ZNF831: variants seen among roughly 807,000 people sequenced by gnomAD.
ZNF831 encodes chromosome 20 open reading frame 174.
Under a neutral mutation model 95.8 loss-of-function variants are expected in ZNF831, and 59 were observed. The ratio of observed to expected loss-of-function variants is 0.62; its 90% confidence interval spans 0.50 to 0.77. The LOEUF (loss-of-function observed/expected upper bound fraction) is 0.77. Among genes scored for constraint, ZNF831 ranks in the 30% least tolerant of loss-of-function variants. The probability of loss-of-function intolerance (pLI) is 0.00; values close to 1 mark genes in which losing one functional copy is unlikely to be tolerated. For missense variants in ZNF831, 2,205 were observed against 2,164.0 expected (o/e 1.02, Z -0.38); for synonymous variants, 961 against 925.5 (o/e 1.04, Z -0.70).
In ZNF831 at chr20:59,192,652, C is replaced by T. The variant is rs769406652; in HGVS notation, c.1633C>T (p.Arg545Cys). Residue 545 changes from arginine (R) to cysteine (C), a missense_variant, in exon 2 of 6, where the codon CGC (arginine) becomes TGC (cysteine). By Grantham distance (180) the Arg-to-Cys change is radical. Coordinates refer to ENST00000371030, the MANE Select transcript of ZNF831 (RefSeq NM_178457.3). The surrounding 1 kb of genome is among the most constrained non-coding windows in gnomAD (Gnocchi z 5.2). ...GCCCGGCCCAGCCCGCCTGGGCTGCCGCTCGGGACTAAGCTCGACTGACGT... is the reference window on the plus strand; with the variant it reads ...GCCCGGCCCAGCCCGCCTGGGCTGCTGCTCGGGACTAAGCTCGACTGACGT... ...PRPGPARLGC[R>C]SGLSSTDVPS... 2.1e-5 allele frequency: 31 copies of T among 1,508,416 alleles called. No homozygotes were observed. The highest frequency in any genetic ancestry group is 3.9e-5 in the South Asian group (3 of 76,164). 93.4% of individuals were successfully genotyped at this position (1,508,416 alleles called of 1,614,324 possible).
At chr20:59,183,361 C>T (rs1041877054) in intron 1 of ZNF831, among the ~76,000 whole-genome samples, 1 of 152,190 alleles carries the variant, frequency 6.6e-6, no homozygotes, top group African/African-American at 2.4e-5. Context: ...AGGGTCTACA[C>T]CAAGGGTGTA....
chr20:59,187,070 A>T (rs76125052), intron 1 of ZNF831, among the ~76,000 whole-genome samples: 1 of 152,224 alleles, frequency 6.6e-6, no homozygotes, highest in East Asian at 1.9e-4. Context: ...CAGAGGTGTG[A>T]CGTTCCACAC....
At chr20:59,233,251 C>T (rs1362569024) in intron 4 of ZNF831, among the ~76,000 whole-genome samples, 1 of 152,106 alleles carries the variant, frequency 6.6e-6, no homozygotes, top group African/African-American at 2.4e-5. Flanking sequence ...GTTGTCTCTT[C>T]CCTTCCCATT....
chr20:59,253,248 A>G, intron 5 of ZNF831, 110 bp downstream of exon 5: 1 of 1,244,366 alleles, frequency 8.0e-7, no homozygotes, highest in Non-Finnish European at 1.1e-6. Flanking sequence ...GGATCACCTT[A>G]TGAAGATTCG....
At chr20:59,201,405 C>T (rs527308126) in intron 3 of ZNF831, among the ~76,000 whole-genome samples, 4 of 152,072 alleles carry the variant, frequency 2.6e-5, no homozygotes, top group African/African-American at 9.7e-5. Context: ...TGATTTGTAA[C>T]TATTTTCTTT....
intron 4 of ZNF831, among the ~76,000 whole-genome samples, chr20:59,215,899 A>G (rs564542587): frequency 6.6e-6 from 1 of 152,354 alleles, no homozygotes; most frequent in Non-Finnish European, 1.5e-5. Context: ...AATAAGTTCT[A>G]GCCAGAATCT....
At chr20:59,188,197 T>C (rs1413279026) in intron 1 of ZNF831, among the ~76,000 whole-genome samples, 1 of 152,234 alleles carries the variant, frequency 6.6e-6, no homozygotes, top group South Asian at 2.1e-4. Context: ...TGGTAATACA[T>C]GTTTAACTTT....
At chr20:59,173,017 T>C (rs1981866499) in intron 1 of ZNF831, among the ~76,000 whole-genome samples, 1 of 152,208 alleles carries the variant, frequency 6.6e-6, no homozygotes, top group Admixed American at 6.5e-5. Flanking sequence ...TGGTGGGTTC[T>C]GAGAAGGATC....
chr20:59,142,687 G>A (rs1417456009), intron 1 of ZNF831, among the ~76,000 whole-genome samples: 1 of 152,178 alleles, frequency 6.6e-6, no homozygotes, highest in Admixed American at 6.5e-5. Flanking sequence ...ATTTGATGAG[G>A]AATGCCTCTA....
Position 59,202,259 on chromosome 20 carries a change from TTTAA to T in ZNF831, c.3876-4642_3876-4639del, listed in dbSNP as rs1242097494. On this transcript the variant is annotated intron_variant, in intron 3 of 5. Transcript: ENST00000371030. ...TATATTTTATTTCCAAAAAGTTTTA[TTTAA>T]TTATTTTTTTAATTTGCTTGATCAT... Among the ~76,000 whole-genome samples, 4 of 152,016 alleles carry T rather than the reference TTTAA, an allele frequency of 2.6e-5. No individual in the cohort carries two copies. In the East Asian group the frequency reaches 7.7e-4, roughly 29 times the overall value.
At chr20:59,204,454 T>G (rs574606896) in intron 3 of ZNF831, among the ~76,000 whole-genome samples, 28 of 152,276 alleles carry the variant, frequency 1.8e-4, no homozygotes, top group African/African-American at 6.7e-4. Flanking sequence ...GCCCCAGAGC[T>G]TTGACAGCAG....
Position 59,238,219 on chromosome 20 carries a change from C to T in ZNF831, c.4028-14759C>T, listed in dbSNP as rs560164575. On this transcript the variant is annotated intron_variant, in intron 4 of 5. Coordinates refer to ENST00000371030, the MANE Select transcript of ZNF831 (RefSeq NM_178457.3). Reference sequence around the variant, plus strand: ...TTAATCCTGATCAGTTTGGGCATTCCTGTTCATCCCTGCTCAGTCGGCCTG... The same window carrying T: ...TTAATCCTGATCAGTTTGGGCATTCTTGTTCATCCCTGCTCAGTCGGCCTG... 8.5e-4 allele frequency among the ~76,000 whole-genome samples: 130 copies of T among 152,242 alleles called. 2 individuals carry two copies. Among genetic ancestry groups the T allele is most frequent in the South Asian group, 1.9e-3 (9 of 4,828 alleles).
rs2146591633 is a variant in ZNF831 at position 59,193,936 on chromosome 20, C to T, written c.2917C>T (p.Pro973Ser). The stretch of plus-strand genomic sequence containing the variant: ...GGACTCTCTCTGCAGCAGTGGGTGG[C>T]CTGAAGAACGGGCATCATTTGTTGG... ...SQDSLCSSGWPEERASFVGSG... is the reference protein window; with the variant it reads ...SQDSLCSSGWSEERASFVGSG... The change falls in exon 2 of 6, where the codon CCT (proline) becomes TCT (serine). Residue 973 changes from proline to serine, a missense_variant. Transcript: ENST00000371030. 4 of 1,588,640 alleles carry T rather than the reference C, an allele frequency of 2.5e-6. No individual in the cohort carries two copies. Among genetic ancestry groups the T allele is most frequent in the East Asian group, 2.2e-5 (1 of 44,676 alleles).
At chr20:59,230,191 G>C (rs980664095) in intron 4 of ZNF831, among the ~76,000 whole-genome samples, 1 of 152,180 alleles carries the variant, frequency 6.6e-6, no homozygotes, top group Admixed American at 6.5e-5. Flanking sequence ...TAAAAGACCA[G>C]ATAATTAAAT....
rs1018782557 is a variant in ZNF831, at chr20:59,217,549, C to T, written c.4027+10493C>T. 1.8e-4 allele frequency among the ~76,000 whole-genome samples: 28 copies of T among 152,130 alleles called. No homozygotes were observed. Among genetic ancestry groups the T allele is most frequent in the African/African-American group, 4.6e-4 (19 of 41,428 alleles). On this transcript the variant is annotated intron_variant, in intron 4 of 5. Transcript: ENST00000371030. This position sits in a 1 kb window ranked among gnomAD's most constrained non-coding sequence, Gnocchi z 4.4. Reference sequence around the variant, plus strand: ...TTTCAAATTGCTTCCCAGTTTATACCCCTACCAGTAGCATATTAAATACCT... The same window carrying T: ...TTTCAAATTGCTTCCCAGTTTATACTCCTACCAGTAGCATATTAAATACCT...
chr20:59,148,709 A>C (rs1182600327), intron 2 of ZNF831, among the ~76,000 whole-genome samples: 1 of 88,092 alleles, frequency 1.1e-5, no homozygotes, highest in African/African-American at 4.4e-5. Context: ...AAAAAAAAAA[A>C]AAAAAAAAAA....
At chr20:59,251,990 G>A (rs569650353) in intron 4 of ZNF831, among the ~76,000 whole-genome samples, 2 of 152,200 alleles carry the variant, frequency 1.3e-5, no homozygotes, top group Non-Finnish European at 2.9e-5. Flanking sequence ...GAGGTGGAAT[G>A]TGTGCTTGTG....
chr20:59,139,135 C>T (rs1979598760), intron 1 of ZNF831, among the ~76,000 whole-genome samples: 1 of 151,998 alleles, frequency 6.6e-6, no homozygotes, highest in Non-Finnish European at 1.5e-5. Context: ...GAATGTTATA[C>T]GTTGAATCAT....
intron 2 of ZNF831, among the ~76,000 whole-genome samples, chr20:59,158,740 G>T (rs748253155): frequency 6.6e-6 from 1 of 152,160 alleles, no homozygotes; most frequent in East Asian, 1.9e-4. Context: ...CATTAGGAGG[G>T]ACTTTTTCTT....
Sources: gnomAD v4.1 joint callset for allele counts (sites outside exome capture counted in the v4.1 genomes callset) on GRCh38, gnomAD v4.1.1 for gene constraint, Gnocchi (gnomAD v3.1) non-coding constraint, MANE v1.5 for transcripts, NCBI Gene and HGNC (gene_info 2026-07-23, HGNC 2026-07-21) for gene names.